AK5: variants seen among roughly 807,000 people sequenced by gnomAD.
AK5 encodes the protein adenylate kinase 5, also known as adenylate kinase isoenzyme 5.
Under a neutral mutation model 69.5 loss-of-function variants are expected in AK5, and 27 were observed. That is an observed-to-expected ratio of 0.39 (90% CI 0.29 to 0.54). The LOEUF (loss-of-function observed/expected upper bound fraction) is 0.54. Ranked by LOEUF, AK5 falls within the 20% of genes least tolerant of loss-of-function variation. The probability of loss-of-function intolerance (pLI) is 0.71; values close to 1 mark genes in which losing one functional copy is unlikely to be tolerated. For synonymous variants in AK5, 260 were observed against 244.4 expected (o/e 1.06, Z -0.60); for missense variants, 531 against 700.4 (o/e 0.76, Z 2.73).
chr1:77,487,081 C>G (rs1047873719), intron 10 of AK5, among the ~76,000 whole-genome samples: 2 of 152,194 alleles, frequency 1.3e-5, no homozygotes, highest in Non-Finnish European at 2.9e-5. Flanking sequence ...ATCTAATTTG[C>G]TCTTTGCTCT....
chr1:77,487,988 G>A (rs1655707333), intron 10 of AK5, among the ~76,000 whole-genome samples: 1 of 152,214 alleles, frequency 6.6e-6, no homozygotes, highest in African/African-American at 2.4e-5. Context: ...CAAGTGTTTG[G>A]AGTAAAATTA....
intron 5 of AK5, among the ~76,000 whole-genome samples, chr1:77,305,493 AT>A (rs1659585992): frequency 6.6e-6 from 1 of 152,114 alleles, no homozygotes; most frequent in East Asian, 1.9e-4. Context: ...TCTTTAATCC[AT>A]TTTTATTTTA....
chr1:77,443,697 G>GTC (rs1652477889), intron 8 of AK5, among the ~76,000 whole-genome samples: 1 of 150,956 alleles, frequency 6.6e-6, no homozygotes, highest in South Asian at 2.1e-4. Flanking sequence ...GTGTGTGTGT[G>GTC]TGTGTGTGTG....
At chr1:77,417,883 G>A in intron 8 of AK5, 168 bp downstream of exon 8, 1 of 505,758 alleles carries the variant, frequency 2.0e-6, no homozygotes. Flanking sequence ...CATTCACTAA[G>A]TTTGGCTTTT....
chr1:77,543,891 A>G (rs1205729147), intron 13 of AK5, among the ~76,000 whole-genome samples: 2 of 152,076 alleles, frequency 1.3e-5, no homozygotes, highest in Admixed American at 1.3e-4. Context: ...GGATACAGAG[A>G]GTAGACTGTA....
At chr1:77,298,775 G>T (rs1659165846) in intron 5 of AK5, among the ~76,000 whole-genome samples, 1 of 152,102 alleles carries the variant, frequency 6.6e-6, no homozygotes, top group South Asian at 2.1e-4. Flanking sequence ...CATCAAGGCT[G>T]CAGTGAGCCA....
intron 6 of AK5, among the ~76,000 whole-genome samples, chr1:77,361,681 C>T (rs915009138): frequency 2.6e-5 from 4 of 152,132 alleles, no homozygotes; most frequent in South Asian, 2.1e-4. Flanking sequence ...GGAGGCCTCA[C>T]GATAATGGCA....
At chr1:77,286,172 T>C (rs1658336124) in intron 1 of AK5, among the ~76,000 whole-genome samples, 1 of 152,058 alleles carries the variant, frequency 6.6e-6, no homozygotes, top group South Asian at 2.1e-4. Flanking sequence ...TAATATGCAC[T>C]GTACAAATAT....
chr1:77,465,762 C>T (rs1654102206), intron 8 of AK5, among the ~76,000 whole-genome samples: 1 of 152,162 alleles, frequency 6.6e-6, no homozygotes, highest in African/African-American at 2.4e-5. Flanking sequence ...AGCAATATGA[C>T]TTCTGAAACT....
In AK5 at chr1:77,341,864, A is replaced by G. The variant is rs944629753; in HGVS notation, c.891+1296A>G. ...AATCAGGGTGGATGCTTCTGTGGCT[A>G]TGTTTTGTTGGGGTTATTGTTTGGT... On this transcript the variant is annotated intron_variant, in intron 6 of 13. Transcript: ENST00000354567. Among the ~76,000 whole-genome samples, 5 of 151,924 alleles carry G rather than the reference A, an allele frequency of 3.3e-5. No homozygotes were observed. The East Asian group carries it at 9.7e-4, about 29-fold the overall frequency.
chr1:77,287,729 T>C (rs1008137135), intron 2 of AK5, among the ~76,000 whole-genome samples: 1 of 152,146 alleles, frequency 6.6e-6, no homozygotes, highest in Non-Finnish European at 1.5e-5. Flanking sequence ...GAAGAAGATT[T>C]ATAGACAAAA....
At chr1:77,317,140 A>T (rs1660285712) in intron 5 of AK5, among the ~76,000 whole-genome samples, 1 of 152,152 alleles carries the variant, frequency 6.6e-6, no homozygotes, top group African/African-American at 2.4e-5. Flanking sequence ...CTCAATCTGT[A>T]TACCTCATGC....
At chr1:77,303,777 G>A (rs968343613) in intron 5 of AK5, among the ~76,000 whole-genome samples, 7 of 152,332 alleles carry the variant, frequency 4.6e-5, no homozygotes, top group African/African-American at 1.4e-4. Context: ...TGAAAGCTAG[G>A]TCACTGCCAT....
At chr1:77,373,673 C>A (rs979186765) in intron 6 of AK5, among the ~76,000 whole-genome samples, 20 of 151,802 alleles carry the variant, frequency 1.3e-4, no homozygotes, top group African/African-American at 2.9e-4. Flanking sequence ...TTGCAGTGAG[C>A]CGAGATCGTG....
intron 13 of AK5, among the ~76,000 whole-genome samples, chr1:77,536,505 A>G (rs1658979163): frequency 6.6e-6 from 1 of 152,186 alleles, no homozygotes; most frequent in Admixed American, 6.5e-5. Flanking sequence ...CTTACTCTTC[A>G]CTTCTATTTC....
At chr1:77,430,813 C>T (rs1050581099) in intron 8 of AK5, among the ~76,000 whole-genome samples, 1 of 152,152 alleles carries the variant, frequency 6.6e-6, no homozygotes, top group African/African-American at 2.4e-5. Flanking sequence ...AAGAGAGAGA[C>T]TGGAAAATAA....
At chr1:77,384,069 A>G (rs907629475) in intron 6 of AK5, among the ~76,000 whole-genome samples, 6 of 152,160 alleles carry the variant, frequency 3.9e-5, no homozygotes, top group African/African-American at 1.4e-4. Flanking sequence ...AAAAAGCCAT[A>G]AGCATAATAG....
intron 10 of AK5, among the ~76,000 whole-genome samples, chr1:77,492,660 G>A (rs1656068880): frequency 6.6e-6 from 1 of 152,150 alleles, no homozygotes; most frequent in South Asian, 2.1e-4. Context: ...CGCATCTGCT[G>A]AAAGCCCTGT....
At chr1:77,328,038 T>A (rs751124261) in intron 5 of AK5, among the ~76,000 whole-genome samples, 1 of 152,198 alleles carries the variant, frequency 6.6e-6, no homozygotes, top group Non-Finnish European at 1.5e-5. Context: ...GAACTTCACT[T>A]CTAGCTCATA....
Sources: gnomAD v4.1 joint callset for allele counts (sites outside exome capture counted in the v4.1 genomes callset) on GRCh38, gnomAD v4.1.1 for gene constraint, MANE v1.5 for transcripts, NCBI Gene and HGNC (gene_info 2026-07-23, HGNC 2026-07-21) for gene names.